Variants in TMEM38B observed in about 807,000 individuals in gnomAD.
TMEM38B encodes the protein transmembrane protein 38B, also known as trimeric intracellular cation channel type B.
TMEM38B carries 24 observed loss-of-function variants against 28.7 expected under a neutral mutation model. The ratio of observed to expected loss-of-function variants is 0.84; its 90% CI spans 0.61 to 1.18. TMEM38B has a LOEUF of 1.18. Ranked by LOEUF, TMEM38B falls within the 50% of genes most tolerant of loss-of-function variation. TMEM38B has a pLI of 0.00. For missense variants in TMEM38B, 380 were observed against 350.9 expected (o/e 1.08, Z -0.66); for synonymous variants, 131 against 127.7 (o/e 1.03, Z -0.17).
chr9:105,708,198 G>A (rs549211932), intron 2 of TMEM38B, among the ~76,000 whole-genome samples: 2 of 152,062 alleles, frequency 1.3e-5, no homozygotes, highest in Admixed American at 6.6e-5. Flanking sequence ...ACCAGCTGCA[G>A]ATCAAAAATA....
intron 3 of TMEM38B, 31 bp from the exon 4 acceptor site, chr9:105,722,503 A>C: frequency 6.3e-7 from 1 of 1,596,764 alleles, no homozygotes; most frequent in Non-Finnish European, 8.6e-7. Context: ...AAATTTGGCC[A>C]AATATTCTTG....
intron 2 of TMEM38B, 148 bp downstream of exon 2, chr9:105,705,901 G>GA: frequency 4.3e-5 from 32 of 746,352 alleles, no homozygotes; most frequent in South Asian, 7.0e-5. Context: ...AATGCTAAGG[G>GA]GTTTTTTTTT....
Position 105,774,329 on chromosome 9 carries a change from T to G in TMEM38B, c.*249T>G. 2 of 280,512 alleles carry G rather than the reference T, an allele frequency of 7.1e-6. No homozygotes were observed. The highest frequency in any genetic ancestry group is 6.6e-6 in the Non-Finnish European group (1 of 152,458). 17.4% of individuals were successfully genotyped at this position (280,512 alleles called of 1,614,324 possible). On this transcript the variant is annotated 3_prime_UTR_variant, in exon 6 of 6. Coordinates refer to ENST00000374692, the MANE Select transcript of TMEM38B (RefSeq NM_018112.3). ...TTCTGTTGTGATTATTTGAATAGTT[T>G]TATATTAATAAAAGAAGACAAAATT... is the stretch of plus-strand genomic sequence containing the variant.
At chr9:105,765,358 T>C (rs1446195536) in intron 5 of TMEM38B, among the ~76,000 whole-genome samples, 1 of 152,242 alleles carries the variant, frequency 6.6e-6, no homozygotes, top group Non-Finnish European at 1.5e-5. Flanking sequence ...TTAAACTATA[T>C]TCATGGATAA....
intron 4 of TMEM38B, among the ~76,000 whole-genome samples, chr9:105,745,718 T>C (rs986670451): frequency 1.3e-5 from 2 of 152,264 alleles, no homozygotes; most frequent in African/African-American, 4.8e-5. Flanking sequence ...TTTATGGTTT[T>C]AGGTCTAACA....
chr9:105,695,417 C>T, intron 1 of TMEM38B, among the ~76,000 whole-genome samples: 1 of 152,174 alleles, frequency 6.6e-6, no homozygotes, highest in East Asian at 1.9e-4. Flanking sequence ...ACAGTCACGA[C>T]GGACACTGTA....
chr9:105,731,347 G>C (rs538077739), intron 4 of TMEM38B, among the ~76,000 whole-genome samples: 1 of 151,624 alleles, frequency 6.6e-6, no homozygotes, highest in African/African-American at 2.4e-5. Flanking sequence ...GGGTACATGC[G>C]CACAAAGTGC....
chr9:105,703,274 C>T (rs1203573011), intron 1 of TMEM38B, among the ~76,000 whole-genome samples: 1 of 152,206 alleles, frequency 6.6e-6, no homozygotes, highest in Non-Finnish European at 1.5e-5. Flanking sequence ...CACTTGAGGC[C>T]AGGAGTTCCA....
At chr9:105,710,727 G>A in intron 2 of TMEM38B, 1 of 619,288 alleles carries the variant, frequency 1.6e-6, no homozygotes, top group South Asian at 1.5e-5. Flanking sequence ...TGGTGTCGTT[G>A]GCTATGTTCC....
intron 5 of TMEM38B, among the ~76,000 whole-genome samples, chr9:105,755,843 A>G (rs565941057): frequency 6.6e-6 from 1 of 152,320 alleles, no homozygotes; most frequent in African/African-American, 2.4e-5. Context: ...GCTGTTTATT[A>G]CAAATATGTA....
chr9:105,749,029 T>A, intron 5 of TMEM38B: 1 of 1,273,986 alleles, frequency 7.8e-7, no homozygotes. Context: ...TAAATATGTG[T>A]CTTAGAATGA....
intron 5 of TMEM38B, among the ~76,000 whole-genome samples, chr9:105,757,906 TG>T: frequency 6.6e-6 from 1 of 152,358 alleles, no homozygotes; most frequent in Middle Eastern, 3.4e-3. Context: ...GAGAGCAGTT[TG>T]GCAATATCTG....
intron 4 of TMEM38B, among the ~76,000 whole-genome samples, chr9:105,734,424 G>A (rs1476391956): frequency 6.6e-6 from 1 of 152,056 alleles, no homozygotes; most frequent in Non-Finnish European, 1.5e-5. Flanking sequence ...GCTGTTGTTG[G>A]ATGGAATATT....
At chr9:105,753,375 A>T (rs183878281) in intron 5 of TMEM38B, among the ~76,000 whole-genome samples, 2 of 152,254 alleles carry the variant, frequency 1.3e-5, no homozygotes, top group East Asian at 3.9e-4. Flanking sequence ...CAGATTCTCC[A>T]AGGTCGAAAT....
chr9:105,750,440 A>T (rs1837605466), intron 5 of TMEM38B, among the ~76,000 whole-genome samples: 1 of 152,158 alleles, frequency 6.6e-6, no homozygotes, highest in Non-Finnish European at 1.5e-5. Context: ...ACTAGCCAAC[A>T]TGGTGAAACC....
At chr9:105,767,186 C>T (rs1036008113) in intron 5 of TMEM38B, among the ~76,000 whole-genome samples, 2 of 151,486 alleles carry the variant, frequency 1.3e-5, no homozygotes, top group African/African-American at 4.9e-5. Context: ...TGTTACAACA[C>T]TGTTTGTTGA....
intron 4 of TMEM38B, among the ~76,000 whole-genome samples, chr9:105,735,241 G>A (rs975610829): frequency 8.6e-5 from 13 of 151,954 alleles, no homozygotes; most frequent in African/African-American, 3.1e-4. Flanking sequence ...TACCTTTTGT[G>A]TGTTCCTTAA....
At chr9:105,733,131 G>T (rs1366428796) in intron 4 of TMEM38B, among the ~76,000 whole-genome samples, 3 of 152,150 alleles carry the variant, frequency 2.0e-5, no homozygotes, top group East Asian at 1.9e-4. Context: ...TTTTGTATTT[G>T]CTGAGAAGTG....
At chr9:105,713,144 G>A (rs570243836) in intron 2 of TMEM38B, among the ~76,000 whole-genome samples, 38 of 152,314 alleles carry the variant, frequency 2.5e-4, no homozygotes, top group African/African-American at 9.1e-4. Flanking sequence ...CTGCAACCCA[G>A]GCACCCCTCT....
Sources: allele counts gnomAD v4.1 joint callset (sites outside exome capture counted in the v4.1 genomes callset), GRCh38; gene constraint gnomAD v4.1.1; transcripts MANE v1.5; gene names NCBI Gene and HGNC (gene_info 2026-07-23, HGNC 2026-07-21).